Variants in RNF38 observed in about 807,000 individuals in gnomAD.
The protein encoded by RNF38 is E3 ubiquitin-protein ligase RNF38.
RNF38 carries 15 observed loss-of-function variants against 67.2 expected under a neutral mutation model. The ratio of observed to expected loss-of-function variants is 0.22; its 90% CI spans 0.15 to 0.34. The LOEUF (loss-of-function observed/expected upper bound fraction) is 0.34, where lower values mean the gene tolerates loss of function less well. RNF38 is among the 10% of genes least tolerant of loss of function. The pLI is 1.00. For missense variants in RNF38, 524 were observed against 639.9 expected (o/e 0.82, Z 1.95); for synonymous variants, 220 against 218.8 (o/e 1.01, Z -0.05).
At chr9:36,345,002 T>G (rs374329671) in intron 9 of RNF38, 49 bp from the exon 10 acceptor site, 11 of 1,581,348 alleles carry the variant, frequency 7.0e-6, no homozygotes, top group Non-Finnish European at 8.6e-6. Flanking sequence ...ACATTTTGCA[T>G]TCCAATACTT....
chr9:36,381,497 G>C (rs1836210388), intron 2 of RNF38, among the ~76,000 whole-genome samples: 1 of 152,142 alleles, frequency 6.6e-6, no homozygotes, highest in Non-Finnish European at 1.5e-5. Context: ...GTGACAATAA[G>C]ATACCAAATT....
intron 2 of RNF38, among the ~76,000 whole-genome samples, chr9:36,407,667 T>C (rs1384874618): frequency 6.6e-6 from 1 of 152,166 alleles, no homozygotes; most frequent in Non-Finnish European, 1.5e-5. Context: ...ACCTATACTC[T>C]TTGAAGCCAC....
chr9:36,485,854 G>C (rs1431223442), intron 1 of RNF38, among the ~76,000 whole-genome samples: 9 of 152,090 alleles, frequency 5.9e-5, no homozygotes, highest in Non-Finnish European at 1.5e-5. Context: ...CAGGCCCTGT[G>C]GGTCTGCATC....
At chr9:36,432,311 T>C (rs1213319323) in intron 1 of RNF38, among the ~76,000 whole-genome samples, 1 of 152,084 alleles carries the variant, frequency 6.6e-6, no homozygotes, top group Non-Finnish European at 1.5e-5. Flanking sequence ...ATTTTTGTAT[T>C]TTTAGTGGAA....
intron 1 of RNF38, among the ~76,000 whole-genome samples, chr9:36,445,725 A>G (rs1587148915): frequency 6.6e-6 from 1 of 152,062 alleles, no homozygotes; most frequent in East Asian, 1.9e-4. Flanking sequence ...CCAGCCGACA[A>G]CTCCTTACTC....
chr9:36,446,467 CTTTT>C (rs1482203863), intron 1 of RNF38, among the ~76,000 whole-genome samples: 4 of 152,150 alleles, frequency 2.6e-5, no homozygotes. Flanking sequence ...TTCTTTCTTT[CTTTT>C]ATTAAAGTAC....
chr9:36,445,736 C>G (rs539802441), intron 1 of RNF38, among the ~76,000 whole-genome samples: 7 of 152,330 alleles, frequency 4.6e-5, no homozygotes, highest in African/African-American at 1.7e-4. Context: ...CTCCTTACTC[C>G]AGTTTTTCAA....
chr9:36,387,615 A>G (rs1226910166), intron 2 of RNF38, among the ~76,000 whole-genome samples: 2 of 152,212 alleles, frequency 1.3e-5, no homozygotes, highest in African/African-American at 4.8e-5. Context: ...TCACAAACCT[A>G]TATGCTAAAA....
In RNF38 at chr9:36,337,661, TAAA is replaced by T. The variant is rs1220408763; in HGVS notation, c.*2088_*2090del. On this transcript the variant is annotated 3_prime_UTR_variant, in exon 12 of 12. Transcript: ENST00000259605. ...CATTTTAAACATGATTTTTTTTCAT[TAAA>T]AAAGATTAAACTATATGTGATTTGT... 1 of 152,586 alleles carries T rather than the reference TAAA, an allele frequency of 6.6e-6. No individual in the cohort carries two copies. Among genetic ancestry groups the T allele is most frequent in the Non-Finnish European group, 1.5e-5 (1 of 68,016 alleles). 9.5% of individuals were successfully genotyped at this position (152,586 alleles called of 1,614,324 possible).
intron 2 of RNF38, among the ~76,000 whole-genome samples, chr9:36,384,954 A>G (rs1186309718): frequency 6.6e-6 from 1 of 152,236 alleles, no homozygotes; most frequent in Non-Finnish European, 1.5e-5. Context: ...GATGAGGAGC[A>G]TGGCTGGCCA....
chr9:36,455,340 G>A (rs1035208695), intron 1 of RNF38, among the ~76,000 whole-genome samples: 1 of 152,018 alleles, frequency 6.6e-6, no homozygotes, highest in African/African-American at 2.4e-5. Context: ...GGGATTACAG[G>A]CATTAGCCAC....
chr9:36,378,169 C>CTTTTT (rs35057784), intron 2 of RNF38, among the ~76,000 whole-genome samples: 80 of 114,868 alleles, frequency 7.0e-4, no homozygotes, highest in Non-Finnish European at 7.6e-4. Flanking sequence ...TTAACACTGA[C>CTTTTT]TTTTTTTTTT....
At chr9:36,364,283 A>T (rs1031183903) in intron 4 of RNF38, among the ~76,000 whole-genome samples, 2 of 152,122 alleles carry the variant, frequency 1.3e-5, no homozygotes, top group African/African-American at 4.8e-5. Context: ...TGATTTTTTT[A>T]ATCACACTTT....
chr9:36,451,570 G>A (rs531291061), intron 1 of RNF38, among the ~76,000 whole-genome samples: 2 of 126,520 alleles, frequency 1.6e-5, no homozygotes, highest in Non-Finnish European at 3.1e-5. Context: ...GTGCAATCTC[G>A]GTTCACAGCA....
chr9:36,392,772 G>C (rs1052622096), intron 1 of RNF38, among the ~76,000 whole-genome samples: 1 of 151,892 alleles, frequency 6.6e-6, no homozygotes, highest in Non-Finnish European at 1.5e-5. Flanking sequence ...CTAAAAATAA[G>C]TATTTGTTAA....
At chr9:36,454,777 T>G (rs1473666009) in intron 1 of RNF38, among the ~76,000 whole-genome samples, 1 of 151,676 alleles carries the variant, frequency 6.6e-6, no homozygotes, top group Non-Finnish European at 1.5e-5. Flanking sequence ...ACAGACAGGG[T>G]TTCACCATGT....
At chr9:36,442,812 G>A (rs530364842) in intron 1 of RNF38, among the ~76,000 whole-genome samples, 4 of 152,248 alleles carry the variant, frequency 2.6e-5, no homozygotes, top group Admixed American at 1.3e-4. Flanking sequence ...TGAGCAATTC[G>A]CTCACCCAAT....
chr9:36,358,652 T>A (rs557304204), intron 4 of RNF38, among the ~76,000 whole-genome samples: 1 of 152,328 alleles, frequency 6.6e-6, no homozygotes, highest in Non-Finnish European at 1.5e-5. Context: ...TATCATATGG[T>A]GTATCAACAC....
intron 4 of RNF38, among the ~76,000 whole-genome samples, chr9:36,363,873 A>AC (rs1834738722): frequency 1.3e-5 from 1 of 76,306 alleles, no homozygotes; most frequent in African/African-American, 3.9e-5. Context: ...TTATATGCAG[A>AC]TTTTTTTTTT....
Sources: gnomAD v4.1 joint callset for allele counts (sites outside exome capture counted in the v4.1 genomes callset) on GRCh38, gnomAD v4.1.1 for gene constraint, MANE v1.5 for transcripts, NCBI Gene and HGNC (gene_info 2026-07-23, HGNC 2026-07-21) for gene names.